The following TLK1 variants were observed in gnomAD, a reference collection of about 807,000 sequenced individuals.
TLK1 encodes the protein tousled like kinase 1, also known as serine/threonine-protein kinase tousled-like 1.
Under a neutral mutation model 105.3 loss-of-function variants are expected in TLK1, and 24 were observed. The observed-to-expected ratio is 0.23, with a 90% CI of 0.17 to 0.32. The LOEUF is 0.32. Ranked by LOEUF, TLK1 falls within the 10% of genes least tolerant of loss-of-function variation. TLK1 has a pLI of 1.00. For synonymous variants in TLK1, 321 were observed against 310.4 expected, an observed-to-expected ratio of 1.03 and a Z score of -0.36; for missense variants, 558 against 910.5, an observed-to-expected ratio of 0.61 and a Z score of 4.98.
At chr2:171,020,828 T>C (rs1268028572) in intron 12 of TLK1, among the ~76,000 whole-genome samples, 4 of 151,812 alleles carry the variant, frequency 2.6e-5, no homozygotes, top group Non-Finnish European at 5.9e-5. Flanking sequence ...ATTGTGTAGA[T>C]TGGGGAGAAG....
intron 1 of TLK1, among the ~76,000 whole-genome samples, chr2:171,228,972 C>A (rs1291553070): frequency 6.6e-6 from 1 of 152,204 alleles, no homozygotes; most frequent in Non-Finnish European, 1.5e-5. Context: ...CTGACCTGGT[C>A]AAGCTAATTA....
At chr2:171,061,839 A>C (rs1326878451) in intron 3 of TLK1, among the ~76,000 whole-genome samples, 1 of 152,264 alleles carries the variant, frequency 6.6e-6, no homozygotes, top group Non-Finnish European at 1.5e-5. Context: ...TGAGAATTAC[A>C]AGAAATTCAA....
At chr2:171,039,078 AT>A (rs997468811) in intron 11 of TLK1, among the ~76,000 whole-genome samples, 1 of 151,594 alleles carries the variant, frequency 6.6e-6, no homozygotes, top group Non-Finnish European at 1.5e-5. Flanking sequence ...ATTTCTAATA[AT>A]TTTTTTTGTC....
At chr2:171,072,191 T>C (rs1688291130) in intron 3 of TLK1, among the ~76,000 whole-genome samples, 1 of 152,254 alleles carries the variant, frequency 6.6e-6, no homozygotes, top group Non-Finnish European at 1.5e-5. Flanking sequence ...CTGGGTACAA[T>C]GGACATTTTA....
chr2:171,036,864 T>C (rs1686367186), intron 11 of TLK1, among the ~76,000 whole-genome samples: 3 of 152,138 alleles, frequency 2.0e-5, no homozygotes, highest in African/African-American at 7.2e-5. Context: ...GTACTCTGCA[T>C]GTGGAAAGGA....
At chr2:171,170,632 G>A (rs910149907) in intron 1 of TLK1, among the ~76,000 whole-genome samples, 17 of 152,220 alleles carry the variant, frequency 1.1e-4, no homozygotes, top group South Asian at 2.1e-4. Flanking sequence ...ATAATGATGC[G>A]AAGTCACAAG....
At chr2:171,051,430 A>C (rs1429165547) in intron 8 of TLK1, among the ~76,000 whole-genome samples, 1 of 152,028 alleles carries the variant, frequency 6.6e-6, no homozygotes, top group Non-Finnish European at 1.5e-5. Flanking sequence ...GATATCCAAG[A>C]AGGCTGCACA....
At chr2:171,029,373 T>A (rs1001805767) in intron 11 of TLK1, among the ~76,000 whole-genome samples, 3 of 152,214 alleles carry the variant, frequency 2.0e-5, no homozygotes, top group African/African-American at 7.2e-5. Context: ...CTCACGCCTG[T>A]AATCCCAGCA....
chr2:171,139,947 G>GAA (rs1245867932), intron 1 of TLK1, among the ~76,000 whole-genome samples: 1 of 152,176 alleles, frequency 6.6e-6, no homozygotes, highest in Non-Finnish European at 1.5e-5. Flanking sequence ...TCACAACAGG[G>GAA]TCCACGCTCC....
chr2:171,055,213 A>AC, intron 6 of TLK1, 41 bp from the exon 7 acceptor site: 3 of 1,191,298 alleles, frequency 2.5e-6, no homozygotes, highest in Non-Finnish European at 3.4e-6. Context: ...CAAAAAAAAA[A>AC]AAAAAAAACA....
At chr2:171,075,764 T>A (rs1011416726) in intron 3 of TLK1, among the ~76,000 whole-genome samples, 15 of 152,218 alleles carry the variant, frequency 9.9e-5, no homozygotes, top group African/African-American at 3.4e-4. Context: ...ATGCTTTTAA[T>A]AATCATTAAG....
At chr2:171,084,904 C>T (rs1688902855) in intron 2 of TLK1, among the ~76,000 whole-genome samples, 1 of 151,986 alleles carries the variant, frequency 6.6e-6, no homozygotes, top group Admixed American at 6.6e-5. Flanking sequence ...CAAATATATA[C>T]AGTAGATAAT....
Position 170,994,514 on chromosome 2 carries a change from T to G in TLK1, c.2125-558A>C, listed in dbSNP as rs1263554830. On this transcript the variant is annotated intron_variant, in intron 20 of 20. Transcript: ENST00000431350. ...TTTTTCTCAAACCAATTTTACTCAG[T>G]TTTTCTTTGAGAATAGCCTCTTACA... Among the ~76,000 whole-genome samples, 19 of 149,708 alleles carry G rather than the reference T, an allele frequency of 1.3e-4. No individual in the cohort carries two copies. In the Admixed American group the frequency reaches 1.3e-3, roughly 10 times the overall value.
At chr2:171,192,769 A>C (rs771344403) in intron 1 of TLK1, among the ~76,000 whole-genome samples, 22 of 152,346 alleles carry the variant, frequency 1.4e-4, no homozygotes, top group Non-Finnish European at 2.9e-4. Flanking sequence ...TCATGGCCAA[A>C]AGGTTAGAGA....
At chr2:171,067,974 G>A (rs1688085629) in intron 3 of TLK1, among the ~76,000 whole-genome samples, 1 of 152,118 alleles carries the variant, frequency 6.6e-6, no homozygotes, top group Admixed American at 6.6e-5. Context: ...TGGCTGCATA[G>A]TATTCCGTGG....
chr2:171,028,395 C>T lies in TLK1; in HGVS notation c.1180G>A (p.Ala394Thr). The T allele has an allele frequency of 1.2e-6, 2 of 1,606,260 alleles. No individual in the cohort carries two copies. Among genetic ancestry groups the T allele is most frequent in the Non-Finnish European group, 1.7e-6 (2 of 1,174,332 alleles). ...ATTTCTTCCTGTTCATGATATTCTG[C>T]CAAAGTCAACCTGTCAAAAATGAAA... ...RPNLPQLLTL[A>T]EYHEQEEIFK... Residue 394 changes from alanine to threonine, a missense_variant, in exon 12 of 21, where the codon GCA becomes ACA. This residue lies in a region of TLK1 where 218 missense variants were observed against 492.9 expected (regional missense o/e 0.44). Transcript: ENST00000431350.
intron 1 of TLK1, among the ~76,000 whole-genome samples, chr2:171,138,450 T>C (rs983474971): frequency 6.6e-6 from 1 of 152,196 alleles, no homozygotes; most frequent in South Asian, 2.1e-4. Flanking sequence ...ATGGCAGCAT[T>C]TGGAGGACAG....
In TLK1 at chr2:171,199,499, T is replaced by C. The variant is rs528307640; in HGVS notation, c.-6+31646A>G. 7.5e-5 allele frequency among the ~76,000 whole-genome samples: 10 copies of C among 133,820 alleles called. No homozygotes were observed. In the East Asian group the frequency reaches 2.5e-3, roughly 34 times the overall value. The allele number at this position is 133,820 out of a possible 152,430, so 87.8% of individuals were successfully genotyped here. A position where few individuals can be genotyped will look rare whatever the true frequency, so the allele number is the denominator to read the frequency against. ...CCACACTCTGTCCTGGGTGACAGAG[T>C]GAGACCTGGTTAAAAAAAAAAAAAA... On this transcript the variant is annotated intron_variant, in intron 1 of 20. Transcript: ENST00000521943.
chr2:171,021,895 C>T (rs1442500906), intron 12 of TLK1, among the ~76,000 whole-genome samples: 3 of 151,806 alleles, frequency 2.0e-5, no homozygotes, highest in South Asian at 2.1e-4. Context: ...GTCAGGAGTT[C>T]GACACCAGCC....
Sources: gnomAD v4.1 joint callset for allele counts (sites outside exome capture counted in the v4.1 genomes callset) on GRCh38, gnomAD v4.1.1 for gene constraint, gnomAD v4.1.1 regional missense constraint, MANE v1.5 for transcripts, NCBI Gene and HGNC (gene_info 2026-07-23, HGNC 2026-07-21) for gene names.